The following SDR42E1 variants were observed in gnomAD, a reference collection of about 807,000 sequenced individuals.
The protein encoded by SDR42E1 is short chain dehydrogenase/reductase family 42E, member 1.
Under a neutral mutation model 2.6 loss-of-function variants are expected in SDR42E1, and 5 were observed. The observed-to-expected ratio is 1.94, with a 90% CI of 1.01 to 4.08. The LOEUF (loss-of-function observed/expected upper bound fraction) is 4.08, where lower values mean the gene tolerates loss of function less well. Among genes scored for constraint, SDR42E1 ranks in the 30% most tolerant of loss-of-function variants. SDR42E1 has a pLI of 0.00. For missense variants in SDR42E1, 596 were observed against 478.6 expected (o/e 1.25, Z -2.29); for synonymous variants, 231 against 188.3 (o/e 1.23, Z -1.86).
intron 1 of SDR42E1, among the ~76,000 whole-genome samples, chr16:82,006,623 T>C (rs1912945065): frequency 6.6e-6 from 1 of 152,100 alleles, no homozygotes; most frequent in African/African-American, 2.4e-5. Flanking sequence ...TGAAACCCTG[T>C]CTCTACTAAA....
In SDR42E1 at chr16:81,992,501, T is replaced by C. The variant is rs962407878; in HGVS notation, c.*6610A>G. On this transcript the variant is annotated 3_prime_UTR_variant, in exon 3 of 3. Transcript: ENST00000328945. Reference sequence around the variant, plus strand: ...GACTCATTCTTATAACATATATACATATGTTAAAATATATATATGGGTAAG... The same window carrying C: ...GACTCATTCTTATAACATATATACACATGTTAAAATATATATATGGGTAAG... 3 of 151,752 alleles carry C rather than the reference T, an allele frequency of 2.0e-5. No individual in the cohort carries two copies. Among genetic ancestry groups the C allele is most frequent in the East Asian group, 1.9e-4 (1 of 5,184 alleles). The allele number at this position is 151,752 out of a possible 1,614,324, so 9.4% of individuals were successfully genotyped here.
In SDR42E1 at chr16:81,998,340, G is replaced by A. The variant is rs1470811075; in HGVS notation, c.*771C>T. 1 of 152,162 alleles carries A rather than the reference G, an allele frequency of 6.6e-6. No individual in the cohort carries two copies. Among genetic ancestry groups the A allele is most frequent in the African/African-American group, 2.4e-5 (1 of 41,430 alleles). 9.4% of individuals were successfully genotyped at this position (152,162 alleles called of 1,614,324 possible). A position where few individuals can be genotyped will look rare whatever the true frequency, so the allele number is the denominator to read the frequency against. ...AATACACTTGTTGCAGGCTCTGAGG[G>A]CACACCCAAAGACATTGCAGAAAGT... On this transcript the variant is annotated 3_prime_UTR_variant, in exon 3 of 3. Transcript: ENST00000328945.
chr16:81,989,128 G>T lies in SDR42E1; in HGVS notation c.*9983C>A, dbSNP rs1463863580. 6.6e-6 allele frequency: 1 copy of T among 152,136 alleles called. No individual in the cohort carries two copies. The allele number at this position is 152,136 out of a possible 1,614,324, so 9.4% of individuals were successfully genotyped here. ...GAAGCACTATTAAAAATTAAGGTGG[G>T]ACTACAGGCATGAAACCAGAACTGT... On this transcript the variant is annotated 3_prime_UTR_variant, in exon 3 of 3. Coordinates refer to ENST00000328945, the MANE Select transcript of SDR42E1 (RefSeq NM_145168.3).
chr16:82,004,071 A>C (rs1912854925), intron 1 of SDR42E1, among the ~76,000 whole-genome samples: 1 of 152,252 alleles, frequency 6.6e-6, no homozygotes, highest in Non-Finnish European at 1.5e-5. Context: ...AACGAGACAG[A>C]GGTCCTGCTT....
At chr16:82,000,361 T>C in intron 2 of SDR42E1, 137 bp from the exon 3 acceptor site, 2 of 1,035,792 alleles carry the variant, frequency 1.9e-6, no homozygotes, top group South Asian at 1.3e-5. Context: ...ACTATGCATG[T>C]TCCTTGGTGC....
intron 1 of SDR42E1, among the ~76,000 whole-genome samples, chr16:82,006,924 AC>A (rs1483203444): frequency 6.6e-6 from 1 of 152,258 alleles, no homozygotes; most frequent in Non-Finnish European, 1.5e-5. Flanking sequence ...TTTGAATATA[AC>A]TAGGTAGCAG....
intron 1 of SDR42E1, among the ~76,000 whole-genome samples, chr16:82,006,008 T>C (rs1912921137): frequency 6.6e-6 from 1 of 152,186 alleles, no homozygotes; most frequent in Non-Finnish European, 1.5e-5. Flanking sequence ...CCTAATTAAA[T>C]GCTAAAGATC....
In SDR42E1 at chr16:81,990,778, A is replaced by G. The variant is rs1243777046; in HGVS notation, c.*8333T>C. On this transcript the variant is annotated 3_prime_UTR_variant, in exon 3 of 3. Coordinates refer to ENST00000328945, the MANE Select transcript of SDR42E1 (RefSeq NM_145168.3). ...CCTTGAGCACTGAAGGGCTATAATC[A>G]CCCACTACCAAATATTTCTTTTCCA... 6.6e-6 allele frequency: 1 copy of G among 152,166 alleles called. No homozygotes were observed. The highest frequency in any genetic ancestry group is 2.4e-5 in the African/African-American group (1 of 41,426). 9.4% of individuals were successfully genotyped at this position (152,166 alleles called of 1,614,324 possible). A position where few individuals can be genotyped will look rare whatever the true frequency, so the allele number is the denominator to read the frequency against.
intron 1 of SDR42E1, among the ~76,000 whole-genome samples, chr16:82,008,813 T>TGGGGAAAATGTCTCC (rs1439061126): frequency 1.3e-5 from 2 of 152,084 alleles, no homozygotes; most frequent in East Asian, 3.9e-4. Context: ...ATCAAGACAA[T>TGGGGAAAATGTCTCC]GGGGAAAATG....
rs1037916809 is a variant in SDR42E1 at position 81,996,287 on chromosome 16, T to A, written c.*2824A>T. 2.0e-5 allele frequency: 3 copies of A among 152,016 alleles called. No individual in the cohort carries two copies. The highest frequency in any genetic ancestry group is 2.9e-5 in the Non-Finnish European group (2 of 68,038). 9.4% of individuals were successfully genotyped at this position (152,016 alleles called of 1,614,324 possible). ...GGTGGAAGAGCAAATGGGCTACTAGTGGAATCTATGGGAGAGAAGGTACAC... is the reference window on the plus strand; with the variant it reads ...GGTGGAAGAGCAAATGGGCTACTAGAGGAATCTATGGGAGAGAAGGTACAC... On this transcript the variant is annotated 3_prime_UTR_variant, in exon 3 of 3. Transcript: ENST00000328945.
rs186462046 is a variant in SDR42E1, at chr16:82,006,407, T to A, written c.-27+4980A>T. On this transcript the variant is annotated intron_variant, in intron 1 of 2. Coordinates refer to ENST00000328945, the MANE Select transcript of SDR42E1 (RefSeq NM_145168.3). The stretch of plus-strand genomic sequence containing the variant: ...GATCTGAAAATTATCTACTTGTGTT[T>A]AATACAAGGAAGTCAAAACAATAAA... Among the ~76,000 whole-genome samples the A allele has an allele frequency of 4.4e-4, 67 of 152,306 alleles. No individual in the cohort carries two copies. In the Middle Eastern group the frequency reaches 0.02, roughly 46 times the overall value.
At chr16:82,009,813 G>A (rs142668153) in intron 1 of SDR42E1, among the ~76,000 whole-genome samples, 3,979 of 152,258 alleles carry the variant, frequency 0.026, 77 homozygotes, top group Non-Finnish European at 0.041. Flanking sequence ...GGCCAGGGGC[G>A]GAATGATATG....
At position 81,999,975 on chromosome 16, in the gene SDR42E1, G is replaced by T; in HGVS notation, c.318C>A (p.Ile106=). Residue 106 remains isoleucine, a synonymous_variant, in exon 3 of 3, where the codon ATC becomes ATA. Coordinates refer to ENST00000328945, the MANE Select transcript of SDR42E1 (RefSeq NM_145168.3). ...CCCTTCTCCTTTGGCAAACCTGGAG[G>T]ATGTTGTCTGTGCCCCTGACGTTGA... ...KEVNVRGTDN[I]LQVCQRRRVP... is the part of the protein sequence containing the mutation. 2 of 1,614,198 alleles carry T rather than the reference G, an allele frequency of 1.2e-6. No homozygotes were observed. Among genetic ancestry groups the T allele is most frequent in the Non-Finnish European group, 1.7e-6 (2 of 1,180,040 alleles).
At position 82,011,377 on chromosome 16, in the gene SDR42E1, G is replaced by C. The variant is rs1179693789; in HGVS notation, c.-27+10C>G. On this transcript the variant is annotated intron_variant, in intron 1 of 2. Transcript: ENST00000328945. ...CGGCGGCCCCCCAACCCCAGCCCAGGCCCACTCACAGCTGCAGGAACAAGG... is the reference window on the plus strand; with the variant it reads ...CGGCGGCCCCCCAACCCCAGCCCAGCCCCACTCACAGCTGCAGGAACAAGG... The C allele has an allele frequency of 6.6e-6, 1 of 152,624 alleles. No homozygotes were observed. Among genetic ancestry groups the C allele is most frequent in the Non-Finnish European group, 1.5e-5 (1 of 68,388 alleles). The allele number at this position is 152,624 out of a possible 1,614,324, so 9.5% of individuals were successfully genotyped here. A position where few individuals can be genotyped will look rare whatever the true frequency, so the allele number is the denominator to read the frequency against.
At chr16:82,003,839 G>C (rs879772689) in intron 1 of SDR42E1, among the ~76,000 whole-genome samples, 4 of 152,184 alleles carry the variant, frequency 2.6e-5, no homozygotes, top group African/African-American at 7.2e-5. Flanking sequence ...GTCCCTACTA[G>C]AATCCAGAAC....
intron 1 of SDR42E1, among the ~76,000 whole-genome samples, chr16:82,008,562 AG>A (rs1913024552): frequency 6.6e-6 from 1 of 152,220 alleles, no homozygotes; most frequent in South Asian, 2.1e-4. Flanking sequence ...GTTTTAGCAA[AG>A]AGACTGATGG....
rs938776735 is a variant in SDR42E1, at chr16:81,991,424, G to C, written c.*7687C>G. The C allele has an allele frequency of 2.0e-4, 31 of 152,120 alleles. No individual in the cohort carries two copies. The highest frequency in any genetic ancestry group is 7.0e-4 in the African/African-American group (29 of 41,494). The allele number at this position is 152,120 out of a possible 1,614,324, so 9.4% of individuals were successfully genotyped here. A position where few individuals can be genotyped will look rare whatever the true frequency, so the allele number is the denominator to read the frequency against. On this transcript the variant is annotated 3_prime_UTR_variant, in exon 3 of 3. Transcript: ENST00000328945. Reference sequence around the variant, plus strand: ...ACGTGATAAAACCACCTCCAACAAGGTAAGAGTTTGGGCCAGGCTCGGTGG... The same window carrying C: ...ACGTGATAAAACCACCTCCAACAAGCTAAGAGTTTGGGCCAGGCTCGGTGG...
At position 81,992,376 on chromosome 16, in the gene SDR42E1, G is replaced by A. The variant is rs1336968888; in HGVS notation, c.*6735C>T. The A allele has an allele frequency of 1.3e-5, 2 of 152,106 alleles. No individual in the cohort carries two copies. The highest frequency in any genetic ancestry group is 3.9e-4 in the East Asian group (2 of 5,188). The allele number at this position is 152,106 out of a possible 1,614,324, so 9.4% of individuals were successfully genotyped here. ...GGAGTGGGGGTGTTGTAATTGCCCA[G>A]CAATGTGCAAATAATTCCCCTTAAA... On this transcript the variant is annotated 3_prime_UTR_variant, in exon 3 of 3. Transcript: ENST00000328945.
intron 1 of SDR42E1, among the ~76,000 whole-genome samples, chr16:82,004,469 G>A (rs565202502): frequency 6.6e-6 from 1 of 152,324 alleles, no homozygotes; most frequent in Admixed American, 6.5e-5. Flanking sequence ...CCTGGAGACA[G>A]GCTTCTGTCC....
Sources: gnomAD v4.1 joint callset for allele counts (sites outside exome capture counted in the v4.1 genomes callset) on GRCh38, gnomAD v4.1.1 for gene constraint, MANE v1.5 for transcripts, NCBI Gene and HGNC (gene_info 2026-07-23, HGNC 2026-07-21) for gene names.